The following ANO3 variants were observed in gnomAD, a reference collection of about 807,000 sequenced individuals.
The protein encoded by ANO3 is anoctamin 3.
ANO3 carries 99 observed loss-of-function variants against 144.8 expected under a neutral mutation model. The observed-to-expected ratio is 0.68, with a 90% CI of 0.58 to 0.81. ANO3 has a LOEUF of 0.81. Ranked by LOEUF, ANO3 falls within the 30% of genes least tolerant of loss-of-function variation. ANO3 has a pLI of 0.00. For synonymous variants in ANO3, 414 were observed against 392.6 expected (o/e 1.05, Z -0.64); for missense variants, 905 against 1,202.2 (o/e 0.75, Z 3.66).
intron 1 of ANO3, among the ~76,000 whole-genome samples, chr11:26,247,997 C>T (rs1460990235): frequency 1.3e-5 from 2 of 151,944 alleles, no homozygotes; most frequent in Non-Finnish European, 2.9e-5. Context: ...TCCCAAAGTC[C>T]TCTGATTACA....
rs567796491 is a variant in ANO3, at chr11:26,321,698, T to A, written c.-3+11979T>A. ...GCAATCTGAAGAAGCTATTCTAGCT[T>A]CCAGCATGGCAAATAAGAAGTCTGA... On this transcript the variant is annotated intron_variant, in intron 1 of 26. Transcript: ENST00000525139. 2.6e-5 allele frequency among the ~76,000 whole-genome samples: 4 copies of A among 152,158 alleles called. No homozygotes were observed. The East Asian group carries it at 5.8e-4, about 22-fold the overall frequency.
chr11:26,285,255 A>C (rs562534398), intron 1 of ANO3, among the ~76,000 whole-genome samples: 1 of 152,268 alleles, frequency 6.6e-6, no homozygotes, highest in South Asian at 2.1e-4. Flanking sequence ...AAAATATAGG[A>C]AGATAAAGAA....
chr11:26,508,385 A>G, intron 5 of ANO3, 123 bp downstream of exon 5: 2 of 814,220 alleles, frequency 2.5e-6, no homozygotes, highest in South Asian at 2.2e-5. Context: ...TTTTCTAACA[A>G]ATGTTAAATA....
intron 4 of ANO3, among the ~76,000 whole-genome samples, chr11:26,502,572 T>C (rs1861240247): frequency 6.6e-6 from 1 of 152,156 alleles, no homozygotes; most frequent in Non-Finnish European, 1.5e-5. Context: ...GGATAAAGAC[T>C]GGCTGTGGTA....
chr11:26,570,984 A>T (rs1019155451), intron 14 of ANO3, among the ~76,000 whole-genome samples: 4 of 152,118 alleles, frequency 2.6e-5, no homozygotes, highest in Non-Finnish European at 5.9e-5. Flanking sequence ...AGAAAGAAAA[A>T]ATAAAAAAGA....
chr11:26,565,881 T>C (rs780075430), intron 14 of ANO3: 1 of 1,576,454 alleles, frequency 6.3e-7, no homozygotes, highest in South Asian at 1.2e-5. Flanking sequence ...TGGTATTGGT[T>C]TTTTTTTAAA....
At chr11:26,220,228 A>T (rs1308216529) in intron 1 of ANO3, among the ~76,000 whole-genome samples, 1 of 152,210 alleles carries the variant, frequency 6.6e-6, no homozygotes, top group Non-Finnish European at 1.5e-5. Flanking sequence ...TGGCACCTTA[A>T]AATGTATGAC....
chr11:26,459,360 G>T (rs116496550), intron 3 of ANO3, among the ~76,000 whole-genome samples: 4,172 of 152,200 alleles, frequency 0.027, 101 homozygotes, highest in African/African-American at 0.059. Context: ...GATACAGGAA[G>T]ATCATTTTGG....
intron 1 of ANO3, among the ~76,000 whole-genome samples, chr11:26,406,247 C>T (rs1857273974): frequency 6.6e-6 from 1 of 151,772 alleles, no homozygotes; most frequent in African/African-American, 2.4e-5. Flanking sequence ...GAGCAGAGAG[C>T]AAGACAGTGC....
At chr11:26,283,484 G>A (rs1853731390) in intron 1 of ANO3, among the ~76,000 whole-genome samples, 1 of 150,876 alleles carries the variant, frequency 6.6e-6, no homozygotes, top group African/African-American at 2.4e-5. Context: ...CACACTATTG[G>A]TTAATTATGT....
At chr11:26,473,444 G>A (rs1859851383) in intron 4 of ANO3, among the ~76,000 whole-genome samples, 1 of 151,788 alleles carries the variant, frequency 6.6e-6, no homozygotes, top group African/African-American at 2.4e-5. Flanking sequence ...GCAATGTCAA[G>A]TTGAACACAG....
rs548317833 is a variant in ANO3, at chr11:26,271,187, T to C, written c.155-38458T>C. ...AATGAGAATGTAGAAAGAGCAACAA[T>C]TTAAGATGCTGTTTTAGTGATTCCA... On this transcript the variant is annotated intron_variant, in intron 1 of 27. Coordinates refer to the ANO3 transcript ENST00000672621. Among the ~76,000 whole-genome samples the C allele has an allele frequency of 8.5e-4, 130 of 152,354 alleles. 3 individuals are homozygous for C. The South Asian group carries it at 0.026, about 30-fold the overall frequency.
chr11:26,565,668 G>A (rs139033427), intron 14 of ANO3: 1 of 1,606,730 alleles, frequency 6.2e-7, no homozygotes, highest in Non-Finnish European at 8.5e-7. Flanking sequence ...GAGATTTGAG[G>A]TGGTTATATT....
chr11:26,261,396 A>G (rs939870889), intron 1 of ANO3, among the ~76,000 whole-genome samples: 6 of 152,214 alleles, frequency 3.9e-5, no homozygotes, highest in African/African-American at 1.4e-4. Context: ...TTTTCTGACC[A>G]TGACAAGAAA....
chr11:26,472,273 C>A (rs1181817379), intron 4 of ANO3, among the ~76,000 whole-genome samples: 4 of 151,950 alleles, frequency 2.6e-5, no homozygotes, highest in Non-Finnish European at 5.9e-5. Context: ...GCTGTGAACA[C>A]TGGATTGGAA....
intron 17 of ANO3, among the ~76,000 whole-genome samples, chr11:26,612,570 T>A (rs935669483): frequency 6.6e-6 from 1 of 151,628 alleles, no homozygotes; most frequent in African/African-American, 2.4e-5. Flanking sequence ...TCAGTTCGAT[T>A]TATGAATTTG....
At chr11:26,516,984 T>C (rs2134153193) in intron 6 of ANO3, 57 bp downstream of exon 6, 1 of 1,073,210 alleles carries the variant, frequency 9.3e-7, no homozygotes, top group East Asian at 2.6e-5. Flanking sequence ...AGTCTATCTT[T>C]GCATCACCTT....
At chr11:26,357,496 C>T (rs1169472691) in intron 1 of ANO3, among the ~76,000 whole-genome samples, 1 of 151,686 alleles carries the variant, frequency 6.6e-6, no homozygotes, top group Non-Finnish European at 1.5e-5. Context: ...CATACATCAT[C>T]CTTCATAATG....
At chr11:26,241,461 C>T (rs1426752630) in intron 1 of ANO3, among the ~76,000 whole-genome samples, 2 of 152,168 alleles carry the variant, frequency 1.3e-5, no homozygotes, top group Non-Finnish European at 2.9e-5. Context: ...TACTTTCTTA[C>T]TCTCATACTC....
Sources: gnomAD v4.1 joint callset for allele counts (sites outside exome capture counted in the v4.1 genomes callset) on GRCh38, gnomAD v4.1.1 for gene constraint, MANE v1.5 for transcripts, NCBI Gene and HGNC (gene_info 2026-07-23, HGNC 2026-07-21) for gene names.